MACROH2A1: variants seen among roughly 807,000 people sequenced by gnomAD.
The protein encoded by MACROH2A1 is macroH2A.1 histone.
A neutral mutation model predicts 31.6 loss-of-function variants in MACROH2A1; 2 were observed. The ratio of observed to expected loss-of-function variants is 0.06; its 90% confidence interval spans 0.03 to 0.20. The LOEUF is 0.20. Among genes scored for constraint, MACROH2A1 ranks in the 10% least tolerant of loss-of-function variants. MACROH2A1 has a pLI of 1.00. For synonymous variants in MACROH2A1, 169 were observed against 189.6 expected, an observed-to-expected ratio of 0.89 and a Z score of 0.89; for missense variants, 230 against 474.0, an observed-to-expected ratio of 0.49 and a Z score of 4.78.
At chr5:135,366,739 T>G (rs1265556233) in intron 4 of MACROH2A1, among the ~76,000 whole-genome samples, 1 of 152,210 alleles carries the variant, frequency 6.6e-6, no homozygotes, top group Non-Finnish European at 1.5e-5. Flanking sequence ...TTTTTTTTAC[T>G]GCATACTCTT....
intron 7 of MACROH2A1, 54 bp from the exon 8 acceptor site, chr5:135,343,488 C>A (rs1760273754): frequency 6.2e-7 from 1 of 1,602,232 alleles, no homozygotes; most frequent in East Asian, 2.2e-5. Flanking sequence ...CTGCAAAGCA[C>A]AAGATGCCAA....
chr5:135,370,754 A>G (rs1047978558), intron 2 of MACROH2A1, among the ~76,000 whole-genome samples: 1 of 152,218 alleles, frequency 6.6e-6, no homozygotes, highest in Non-Finnish European at 1.5e-5. Context: ...AAGATGTAAA[A>G]GCCAAATATA....
chr5:135,341,370 T>TCAA (rs1191948472), intron 8 of MACROH2A1, among the ~76,000 whole-genome samples: 2 of 152,156 alleles, frequency 1.3e-5, no homozygotes, highest in Non-Finnish European at 2.9e-5. Context: ...TGCCCATAGC[T>TCAA]CAACAACTGG....
Position 135,369,598 on chromosome 5 carries a change from T to C in MACROH2A1, c.285A>G (p.Leu95=), listed in dbSNP as rs1763936161. 5 of 1,613,280 alleles carry C rather than the reference T, an allele frequency of 3.1e-6. No homozygotes were observed. In the East Asian group the frequency reaches 1.1e-4, roughly 36 times the overall value. ...CCCCACTGGCTATGGTGACTCCTTTTAGCAGCTTTCAGGAAAACCAGAATA... is the reference window on the plus strand; with the variant it reads ...CCCCACTGGCTATGGTGACTCCTTTCAGCAGCTTTCAGGAAAACCAGAATA... ...VANDEELNQL[L]KGVTIASGGV... is the part of the protein sequence containing the mutation. Residue 95 remains leucine (L), a synonymous_variant, in exon 4 of 9, where the codon CTA becomes CTG. Transcript: ENST00000511689. This position sits in a 1 kb window ranked among gnomAD's most constrained non-coding sequence, Gnocchi z 4.3.
At chr5:135,353,891 C>G (rs1269135215) in intron 5 of MACROH2A1, 1 of 152,184 alleles carries the variant, frequency 6.6e-6, no homozygotes, top group South Asian at 2.1e-4. Flanking sequence ...ATACTGAGTT[C>G]GAAATTCTGT....
intron 1 of MACROH2A1, among the ~76,000 whole-genome samples, chr5:135,391,748 G>A (rs1449983292): frequency 2.0e-5 from 3 of 152,176 alleles, no homozygotes; most frequent in South Asian, 2.1e-4. Context: ...AGACTTCTCT[G>A]TCCACCCCAC....
intron 1 of MACROH2A1, among the ~76,000 whole-genome samples, chr5:135,392,107 G>A (rs1386066218): frequency 6.6e-6 from 1 of 152,132 alleles, no homozygotes; most frequent in Non-Finnish European, 1.5e-5. Context: ...AATGCCCTTT[G>A]TCCTCTTGTC....
intron 5 of MACROH2A1, 43 bp from the exon 6 acceptor site, chr5:135,353,088 G>A (rs1239034158): frequency 7.9e-7 from 1 of 1,258,428 alleles, no homozygotes; most frequent in Non-Finnish European, 1.2e-6. Flanking sequence ...GGAGAGCTGG[G>A]AAGTCTCAGA....
chr5:135,383,690 GATGTGGTGTGGTGTGTGTGTGT>G (rs1210967230), intron 2 of MACROH2A1, among the ~76,000 whole-genome samples: 45 of 145,214 alleles, frequency 3.1e-4, no homozygotes, highest in Middle Eastern at 6.9e-3. Context: ...TTTCCTGTGT[GATGTGGTGTGGTGTGTGTGTGT>G]GTGTGTGTGT....
At chr5:135,362,014 T>G (rs998582641) in intron 4 of MACROH2A1, 15 of 152,252 alleles carry the variant, frequency 9.9e-5, no homozygotes, top group African/African-American at 3.6e-4. Context: ...TACTGAGTGT[T>G]TAACATTTGA....
intron 7 of MACROH2A1, chr5:135,344,455 G>A (rs1374763842): frequency 2.0e-5 from 3 of 152,066 alleles, no homozygotes; most frequent in Non-Finnish European, 4.4e-5. Context: ...GGAGCGATTT[G>A]TGGGTAGTGT....
chr5:135,372,997 C>G (rs1205843484), intron 2 of MACROH2A1, among the ~76,000 whole-genome samples: 1 of 152,224 alleles, frequency 6.6e-6, no homozygotes, highest in African/African-American at 2.4e-5. Flanking sequence ...AATGCTTTAT[C>G]TGCCCCCTCA....
At chr5:135,360,667 G>A (rs1561608290) in intron 4 of MACROH2A1, 60 bp from the exon 5 acceptor site, 2 of 1,188,632 alleles carry the variant, frequency 1.7e-6, no homozygotes, top group Non-Finnish European at 2.5e-6. Flanking sequence ...CTAATAGAGA[G>A]GCAGCTCCCA....
At chr5:135,363,195 C>CAA (rs113768626) in intron 4 of MACROH2A1, among the ~76,000 whole-genome samples, 55 of 135,298 alleles carry the variant, frequency 4.1e-4, no homozygotes, top group African/African-American at 1.4e-3. Flanking sequence ...ACCAAAAATA[C>CAA]AAAAAAAAAA....
rs374515596 is a variant in MACROH2A1 at position 135,379,616 on chromosome 5, C to A, written c.172+9306G>T. ...GGGTTGACTTGACTAGACATAGAAG[C>A]CTTCAGGCAGGAGAAAGCAAGCAGA... On this transcript the variant is annotated intron_variant, in intron 2 of 8. Transcript: ENST00000511689. Among the ~76,000 whole-genome samples the A allele has an allele frequency of 2.3e-4, 35 of 152,258 alleles. No individual in the cohort carries two copies. In the East Asian group the frequency reaches 4.6e-3, roughly 20 times the overall value.
chr5:135,383,200 C>T (rs1234186045), intron 2 of MACROH2A1, among the ~76,000 whole-genome samples: 3 of 152,180 alleles, frequency 2.0e-5, no homozygotes, highest in Non-Finnish European at 1.5e-5. Flanking sequence ...TCATCTATTC[C>T]CCAGGGAGAC....
intron 4 of MACROH2A1, among the ~76,000 whole-genome samples, chr5:135,368,161 A>T (rs1763751235): frequency 6.6e-6 from 1 of 152,274 alleles, no homozygotes; most frequent in Non-Finnish European, 1.5e-5. Flanking sequence ...AAAGAAATAC[A>T]GCCTCTTTCA....
intron 7 of MACROH2A1, chr5:135,344,625 C>T (rs1760527196): frequency 6.6e-6 from 1 of 152,168 alleles, no homozygotes; most frequent in African/African-American, 2.4e-5. Context: ...CATGGCTAAA[C>T]TATGCATAGA....
chr5:135,379,621 A>G (rs920289824), intron 2 of MACROH2A1, among the ~76,000 whole-genome samples: 1 of 152,206 alleles, frequency 6.6e-6, no homozygotes, highest in African/African-American at 2.4e-5. Flanking sequence ...AGAAGCCTTC[A>G]GGCAGGAGAA....
Sources: allele counts gnomAD v4.1 joint callset (sites outside exome capture counted in the v4.1 genomes callset), GRCh38; gene constraint gnomAD v4.1.1; non-coding constraint Gnocchi (gnomAD v3.1); transcripts MANE v1.5; gene names NCBI Gene and HGNC (gene_info 2026-07-23, HGNC 2026-07-21).